Variants in IL1RAP observed in about 807,000 individuals in gnomAD.
IL1RAP encodes the protein interleukin 1 receptor accessory protein, also known as interleukin-1 receptor accessory protein.
Under a neutral mutation model 60.7 loss-of-function variants are expected in IL1RAP, and 35 were observed. That is an observed-to-expected ratio of 0.58 (90% CI 0.44 to 0.76). IL1RAP has a LOEUF of 0.76. Among genes scored for constraint, IL1RAP ranks in the 30% least tolerant of loss-of-function variants. The pLI is 0.00. For missense variants in IL1RAP, 572 were observed against 693.9 expected, an observed-to-expected ratio of 0.82 and a Z score of 1.97; for synonymous variants, 268 against 250.9, an observed-to-expected ratio of 1.07 and a Z score of -0.64.
At chr3:190,637,753 C>T (rs908231257) in intron 9 of IL1RAP, among the ~76,000 whole-genome samples, 1 of 152,052 alleles carries the variant, frequency 6.6e-6, no homozygotes, top group African/African-American at 2.4e-5. Context: ...CATTCTTCCC[C>T]TTATCAGTCA....
chr3:190,652,208 A>C (rs1164900935), downstream of IL1RAP, among the ~76,000 whole-genome samples: 1 of 151,998 alleles, frequency 6.6e-6, no homozygotes, highest in South Asian at 2.1e-4. Flanking sequence ...CTCACGCTGT[A>C]ATCCCAGCAC....
chr3:190,585,264 A>G (rs1728352702), intron 3 of IL1RAP, among the ~76,000 whole-genome samples: 1 of 152,190 alleles, frequency 6.6e-6, no homozygotes, highest in African/African-American at 2.4e-5. Flanking sequence ...CAACTTGATC[A>G]GTCACAGTGC....
At chr3:190,553,766 A>C (rs1478953400) in intron 1 of IL1RAP, among the ~76,000 whole-genome samples, 1 of 152,176 alleles carries the variant, frequency 6.6e-6, no homozygotes, top group Non-Finnish European at 1.5e-5. Context: ...AAGGTTTAGA[A>C]ATGAGAGGGA....
chr3:190,651,081 A>G lies in IL1RAP; in HGVS notation c.*2376A>G, dbSNP rs534223343. 1.0e-6 allele frequency: 1 copy of G among 984,690 alleles called. No homozygotes were observed. The highest frequency in any genetic ancestry group is 1.1e-4 in the East Asian group (1 of 8,802). The allele number at this position is 984,690 out of a possible 1,614,324, so 61.0% of individuals were successfully genotyped here. ...AGAATTTGTTTCAAGATTTTTTTTT[A>G]ATGTTCCAGAAGATGGCCAATAGAG... is the stretch of plus-strand genomic sequence containing the variant. On this transcript the variant is annotated 3_prime_UTR_variant, in exon 12 of 12. Transcript: ENST00000447382.
chr3:190,555,934 A>ATCTG (rs1725383431), intron 1 of IL1RAP, 196 bp from the exon 2 acceptor site: 2 of 138,804 alleles, frequency 1.4e-5, no homozygotes, highest in South Asian at 2.3e-4. Flanking sequence ...CTGTCTATCT[A>ATCTG]TCTATCTATC....
intron 10 of IL1RAP, 51 bp downstream of exon 10, chr3:190,644,448 A>G (rs1733869551): frequency 1.5e-6 from 2 of 1,352,236 alleles, no homozygotes; most frequent in Admixed American, 2.1e-5. Context: ...TCTTTAGAAC[A>G]TATGTTGTAA....
intron 6 of IL1RAP, 46 bp from the exon 7 acceptor site, chr3:190,623,298 C>G (rs776476642): frequency 2.8e-6 from 4 of 1,417,798 alleles, no homozygotes; most frequent in Non-Finnish European, 4.0e-6. Flanking sequence ...TTTAATAAGG[C>G]TGCCTGATTT....
intron 5 of IL1RAP, among the ~76,000 whole-genome samples, chr3:190,609,383 A>G (rs1424735984): frequency 6.6e-6 from 1 of 152,170 alleles, no homozygotes; most frequent in Non-Finnish European, 1.5e-5. Context: ...GTCTCAGGCC[A>G]CTATTTCTGA....
chr3:190,656,805 C>A, exon 12 of IL1RAP: 1 of 490,584 alleles, frequency 2.0e-6, no homozygotes, highest in Non-Finnish European at 3.6e-6. Context: ...CTAAAGGCCT[C>A]AGAAGAGCAC....
At chr3:190,619,546 G>A (rs1477342255) in intron 5 of IL1RAP, among the ~76,000 whole-genome samples, 2 of 152,062 alleles carry the variant, frequency 1.3e-5, no homozygotes, top group Non-Finnish European at 2.9e-5. Flanking sequence ...ACAGGATGGT[G>A]TAACCCCATC....
At chr3:190,578,769 G>A (rs1727720655) in intron 3 of IL1RAP, among the ~76,000 whole-genome samples, 1 of 152,222 alleles carries the variant, frequency 6.6e-6, no homozygotes, top group African/African-American at 2.4e-5. Flanking sequence ...AAATCATGGA[G>A]GAAGGTAGAA....
chr3:190,572,868 T>TTG (rs1727073911), intron 3 of IL1RAP, among the ~76,000 whole-genome samples: 2 of 36,526 alleles, frequency 5.5e-5, no homozygotes, highest in South Asian at 1.8e-3. Flanking sequence ...TGTTTTTTTT[T>TTG]TTTTTTTTTT....
chr3:190,570,781 G>A (rs955732527), intron 3 of IL1RAP, among the ~76,000 whole-genome samples: 2 of 152,048 alleles, frequency 1.3e-5, no homozygotes, highest in Non-Finnish European at 2.9e-5. Context: ...GGTCGGGTTG[G>A]TCTGGAACTC....
At chr3:190,573,276 C>CT (rs534740562) in intron 3 of IL1RAP, among the ~76,000 whole-genome samples, 391 of 152,248 alleles carry the variant, frequency 2.6e-3, no homozygotes, top group Non-Finnish European at 4.3e-3. Flanking sequence ...GTGTAAGACT[C>CT]TGGACCCCCT....
chr3:190,564,087 G>A (rs1039874016), intron 2 of IL1RAP: 6 of 556,362 alleles, frequency 1.1e-5, no homozygotes, highest in Non-Finnish European at 1.9e-5. Flanking sequence ...TGTAATATGG[G>A]AATTGAAAAA....
chr3:190,639,778 T>A (rs1019430788), intron 9 of IL1RAP, among the ~76,000 whole-genome samples: 4 of 152,234 alleles, frequency 2.6e-5, no homozygotes, highest in African/African-American at 9.6e-5. Context: ...TGCTTGCTTT[T>A]AAAAAAGCAT....
At chr3:190,523,892 A>G (rs1327906794) in intron 1 of IL1RAP, among the ~76,000 whole-genome samples, 1 of 152,124 alleles carries the variant, frequency 6.6e-6, no homozygotes, top group African/African-American at 2.4e-5. Context: ...CAGTAATGAG[A>G]TTGCTGGGTT....
Position 190,545,462 on chromosome 3 carries a change from G to A in IL1RAP, c.-88-10668G>A, listed in dbSNP as rs570545200. 2.8e-4 allele frequency among the ~76,000 whole-genome samples: 42 copies of A among 152,120 alleles called. 1 individual carries two copies. The highest frequency in any genetic ancestry group is 1.9e-4 in the East Asian group (1 of 5,196). On this transcript the variant is annotated intron_variant, in intron 1 of 11. Transcript: ENST00000447382. ...ATTCCCAGGGCCACAGCAGGCATTC[G>A]CATCCTTTTATCGGAGACAGCTACA...
chr3:190,554,075 AAAAAAAAAAAAAAG>A (rs1725171762), intron 1 of IL1RAP, among the ~76,000 whole-genome samples: 1 of 150,372 alleles, frequency 6.7e-6, no homozygotes. Flanking sequence ...AAAAAAAAAA[AAAAAAAAAAAAAAG>A]AAATGAGAGG....
Sources: gnomAD v4.1 joint callset for allele counts (sites outside exome capture counted in the v4.1 genomes callset) on GRCh38, gnomAD v4.1.1 for gene constraint, MANE v1.5 for transcripts, NCBI Gene and HGNC (gene_info 2026-07-23, HGNC 2026-07-21) for gene names.